C3orf20: variants seen among roughly 807,000 people sequenced by gnomAD.
C3orf20 encodes the protein family with sequence similarity 149 member C.
C3orf20 carries 76 observed loss-of-function variants against 88.3 expected under a neutral mutation model. The observed-to-expected ratio is 0.86, with a 90% CI of 0.72 to 1.04. C3orf20 has a LOEUF of 1.04. Ranked by LOEUF, C3orf20 falls within the 50% of genes least tolerant of loss-of-function variation. C3orf20 has a pLI of 0.00. For missense variants in C3orf20, 1,056 were observed against 1,123.3 expected (o/e 0.94, Z 0.86); for synonymous variants, 436 against 437.4 (o/e 1.00, Z 0.04).
At position 14,752,135 on chromosome 3, in the gene C3orf20, T is replaced by A. The variant is rs1488960640; in HGVS notation, c.1941-5236T>A. ...CATGGTACTGGTACCAAAACAGATA[T>A]ATAGACCAGTGGAACAGAACAGAGG... On this transcript the variant is annotated intron_variant, in intron 12 of 16. Coordinates refer to ENST00000253697, the MANE Select transcript of C3orf20 (RefSeq NM_032137.5). Among the ~76,000 whole-genome samples, 4 of 152,216 alleles carry A rather than the reference T, an allele frequency of 2.6e-5. No individual in the cohort carries two copies. In the East Asian group the frequency reaches 7.7e-4, roughly 29 times the overall value.
At chr3:14,702,726 C>T (rs2033325450) in intron 5 of C3orf20, among the ~76,000 whole-genome samples, 1 of 152,116 alleles carries the variant, frequency 6.6e-6, no homozygotes, top group South Asian at 2.1e-4. Context: ...CAGGCACGAG[C>T]CACCATGCCT....
intron 9 of C3orf20, 42 bp downstream of exon 9, chr3:14,715,451 T>G (rs778246800): frequency 1.3e-6 from 2 of 1,586,904 alleles, no homozygotes; most frequent in South Asian, 2.3e-5. Flanking sequence ...TGAGCACCAC[T>G]GTCACAGGGA....
intron 12 of C3orf20, among the ~76,000 whole-genome samples, chr3:14,734,230 C>G: frequency 6.6e-6 from 1 of 152,024 alleles, no homozygotes; most frequent in East Asian, 1.9e-4. Context: ...TTGTTTCCTT[C>G]TGTCTACTTT....
chr3:14,738,504 ATTT>A (rs1307521253), intron 12 of C3orf20, among the ~76,000 whole-genome samples: 1 of 147,028 alleles, frequency 6.8e-6, no homozygotes, highest in East Asian at 2.0e-4. Context: ...AATTTTTTGT[ATTT>A]TTTTTAGTAC....
chr3:14,761,034 C>G (rs75737075), intron 14 of C3orf20, among the ~76,000 whole-genome samples: 3,695 of 152,168 alleles, frequency 0.024, 86 homozygotes, highest in East Asian at 0.14. Flanking sequence ...GGGAGCCCTG[C>G]CCTCAAGGGT....
intron 1 of C3orf20, among the ~76,000 whole-genome samples, chr3:14,678,583 G>A (rs2031914669): frequency 6.6e-6 from 1 of 152,230 alleles, no homozygotes; most frequent in South Asian, 2.1e-4. Context: ...ACTGAAGAAG[G>A]TGCTGCGTCC....
At position 14,718,436 on chromosome 3, in the gene C3orf20, A is replaced by C. The variant is rs575217887; in HGVS notation, c.1434+3027A>C. Among the ~76,000 whole-genome samples, 16 of 152,308 alleles carry C rather than the reference A, an allele frequency of 1.1e-4. No homozygotes were observed. In the East Asian group the frequency reaches 3.1e-3, roughly 29 times the overall value. ...TCTCTGCTGAGATTCCATATTTTATAATTTCTTACAAGTACATTTTCCCTT... is the reference window on the plus strand; with the variant it reads ...TCTCTGCTGAGATTCCATATTTTATCATTTCTTACAAGTACATTTTCCCTT... On this transcript the variant is annotated intron_variant, in intron 9 of 16. Transcript: ENST00000253697.
intron 5 of C3orf20, among the ~76,000 whole-genome samples, chr3:14,698,119 T>G (rs2033090311): frequency 6.6e-6 from 1 of 152,186 alleles, no homozygotes; most frequent in Admixed American, 6.5e-5. Flanking sequence ...TTGTAGATCC[T>G]TGAGGAATCT....
chr3:14,757,717 G>A, intron 13 of C3orf20, 43 bp downstream of exon 13: 1 of 1,563,128 alleles, frequency 6.4e-7, no homozygotes, highest in South Asian at 1.2e-5. Flanking sequence ...GCCAGGGGCA[G>A]GGGTAGTGGG....
intron 1 of C3orf20, among the ~76,000 whole-genome samples, chr3:14,678,790 C>T (rs1391067163): frequency 1.3e-5 from 2 of 152,194 alleles, no homozygotes; most frequent in African/African-American, 4.8e-5. Context: ...AAAGAGAAGA[C>T]ATGGCCCCTG....
Position 14,704,336 on chromosome 3 carries a change from G to C in C3orf20, c.879-1G>C. On this transcript the variant is annotated splice_acceptor_variant, in intron 6 of 16. Coordinates refer to ENST00000253697, the MANE Select transcript of C3orf20 (RefSeq NM_032137.5). LOFTEE classifies it high-confidence loss of function. ...CAATATATTGCTCTCCTTCTCTGCA[G>C]AGAAGCTGAAAGGGCCACATGGAAA... 1.2e-6 allele frequency: 2 copies of C among 1,614,052 alleles called. No homozygotes were observed.
At chr3:14,761,768 T>C (rs2035571700) in intron 15 of C3orf20, among the ~76,000 whole-genome samples, 153 bp downstream of exon 15, 1 of 151,838 alleles carries the variant, frequency 6.6e-6, no homozygotes, top group African/African-American at 2.4e-5. Context: ...CCTCCACCTG[T>C]GGCACACACA....
intron 7 of C3orf20, among the ~76,000 whole-genome samples, chr3:14,704,933 T>C (rs2033436179): frequency 6.6e-6 from 1 of 152,176 alleles, no homozygotes; most frequent in Admixed American, 6.5e-5. Flanking sequence ...TGAGACGTGG[T>C]TAAAGACACA....
rs2033279831 is a variant in C3orf20, at chr3:14,701,921, T to C, written c.746-1209T>C. 6.6e-6 allele frequency among the ~76,000 whole-genome samples: 1 copy of C among 152,076 alleles called. No homozygotes were observed. The highest frequency in any genetic ancestry group is 6.5e-5 in the Admixed American group (1 of 15,270). The stretch of plus-strand genomic sequence containing the variant: ...ACATCTCTGTTTGATAAATGACCAG[T>C]CAACAATTCCTGGTGAGCATCAATG... On this transcript the variant is annotated intron_variant, in intron 5 of 16. Coordinates refer to ENST00000253697, the MANE Select transcript of C3orf20 (RefSeq NM_032137.5). The surrounding 1 kb of genome is among the most constrained non-coding windows in gnomAD (Gnocchi z 4.6).
At chr3:14,704,310 A>G (rs767353891) in intron 6 of C3orf20, 27 bp from the exon 7 acceptor site, 2 of 1,611,362 alleles carry the variant, frequency 1.2e-6, no homozygotes, top group South Asian at 1.1e-5. Flanking sequence ...AAAAGGCTAG[A>G]CAATATATTG....
intron 4 of C3orf20, 39 bp from the exon 5 acceptor site, chr3:14,689,958 A>G: frequency 6.2e-7 from 1 of 1,613,426 alleles, no homozygotes. Flanking sequence ...AATTAAAAGT[A>G]AACAGTTGAA....
intron 9 of C3orf20, among the ~76,000 whole-genome samples, chr3:14,717,370 G>A (rs1014017098): frequency 3.7e-4 from 57 of 152,180 alleles, no homozygotes; most frequent in African/African-American, 1.3e-3. Flanking sequence ...TGGAAAACAA[G>A]GTGGCCCTGG....
At chr3:14,733,456 T>C (rs973918055) in intron 12 of C3orf20, among the ~76,000 whole-genome samples, 1 of 152,230 alleles carries the variant, frequency 6.6e-6, no homozygotes, top group Non-Finnish European at 1.5e-5. Context: ...TATTTCTTCT[T>C]TATCTATTAT....
At chr3:14,683,774 G>T (rs1386442367) in intron 3 of C3orf20, among the ~76,000 whole-genome samples, 1 of 151,060 alleles carries the variant, frequency 6.6e-6, no homozygotes, top group Non-Finnish European at 1.5e-5. Context: ...TACGCAGAAG[G>T]CCAAGGCAGG....
Sources: allele counts gnomAD v4.1 joint callset (sites outside exome capture counted in the v4.1 genomes callset), GRCh38; gene constraint gnomAD v4.1.1; non-coding constraint Gnocchi (gnomAD v3.1); transcripts MANE v1.5; gene names NCBI Gene and HGNC (gene_info 2026-07-23, HGNC 2026-07-21).